Variants in RAPGEF4 observed in about 807,000 individuals in gnomAD.
RAPGEF4 encodes the protein Rap guanine nucleotide exchange factor 4.
RAPGEF4 carries 66 observed loss-of-function variants against 147.9 expected under a neutral mutation model. The observed-to-expected ratio is 0.45, with a 90% confidence interval of 0.37 to 0.55. The LOEUF is 0.55. RAPGEF4 is among the 20% of genes least tolerant of loss of function. The probability of loss-of-function intolerance (pLI) is 0.00; values close to 1 mark genes in which losing one functional copy is unlikely to be tolerated. For missense variants in RAPGEF4, 1,071 were observed against 1,257.3 expected (o/e 0.85, Z 2.24); for synonymous variants, 419 against 442.7 (o/e 0.95, Z 0.67).
chr2:172,894,303 A>C (rs1020080061), intron 4 of RAPGEF4: 2 of 152,254 alleles, frequency 1.3e-5, no homozygotes, highest in African/African-American at 2.4e-5. Context: ...TAACAGCTTC[A>C]TCATGGACGC....
chr2:172,983,472 C>CTTTTTTTTT, intron 10 of RAPGEF4, 24 bp from the exon 11 acceptor site: 1 of 1,497,534 alleles, frequency 6.7e-7, no homozygotes, highest in Non-Finnish European at 8.9e-7. Flanking sequence ...TTCCATATTC[C>CTTTTTTTTT]TTTTTTTTTT....
rs183905765 is a variant in RAPGEF4, at chr2:172,999,054, G to A, written c.1580-2212G>A. ...TTAATTACTGTTCCTTGCAGAGCAG[G>A]GCTAACCCATGGGCAGTGTGCCAAG... On this transcript the variant is annotated intron_variant, in intron 16 of 30. Transcript: ENST00000397081. Among the ~76,000 whole-genome samples, 5 of 152,126 alleles carry A rather than the reference G, an allele frequency of 3.3e-5. No homozygotes were observed. The East Asian group carries it at 9.6e-4, about 29-fold the overall frequency.
chr2:173,012,109 A>T (rs987496458), intron 17 of RAPGEF4, among the ~76,000 whole-genome samples: 3 of 152,188 alleles, frequency 2.0e-5, no homozygotes, highest in Admixed American at 2.0e-4. Flanking sequence ...CTGAGAGAGA[A>T]TTAAATTTGC....
chr2:173,048,517 G>A (rs1685780200), intron 29 of RAPGEF4, 83 bp from the exon 30 acceptor site: 2 of 1,582,400 alleles, frequency 1.3e-6, no homozygotes, highest in Non-Finnish European at 8.6e-7. Flanking sequence ...ACCAAGTATT[G>A]CAGAAATGGT....
intron 29 of RAPGEF4, among the ~76,000 whole-genome samples, chr2:173,043,921 CT>C (rs1685089523): frequency 6.6e-6 from 1 of 152,220 alleles, no homozygotes; most frequent in African/African-American, 2.4e-5. Context: ...ACTGGTCACT[CT>C]GATGCAGGCT....
At chr2:172,783,825 C>T (rs1684923907) in intron 1 of RAPGEF4, among the ~76,000 whole-genome samples, 1 of 151,492 alleles carries the variant, frequency 6.6e-6, no homozygotes, top group Admixed American at 6.6e-5. Flanking sequence ...AGGAAACTCA[C>T]AGGGAGAGGA....
At chr2:172,827,113 T>G (rs1478920715) in intron 4 of RAPGEF4, among the ~76,000 whole-genome samples, 7 of 152,210 alleles carry the variant, frequency 4.6e-5, no homozygotes, top group Non-Finnish European at 8.8e-5. Flanking sequence ...TAGCAAATTG[T>G]ACCTTATTAA....
At chr2:172,875,720 T>G (rs1210435973) in intron 4 of RAPGEF4, among the ~76,000 whole-genome samples, 1 of 152,224 alleles carries the variant, frequency 6.6e-6, no homozygotes, top group Non-Finnish European at 1.5e-5. Flanking sequence ...AGGATTGTCT[T>G]GGCAATGTGG....
chr2:172,922,227 T>C, intron 5 of RAPGEF4, 54 bp from the exon 6 acceptor site: 1 of 1,559,318 alleles, frequency 6.4e-7, no homozygotes, highest in Non-Finnish European at 8.8e-7. Context: ...AATTCCACTT[T>C]ACCGGTTGAT....
At chr2:172,983,662 G>GC in intron 11 of RAPGEF4, 82 bp downstream of exon 11, 1 of 1,534,136 alleles carries the variant, frequency 6.5e-7, no homozygotes. Context: ...TTACGGTGTT[G>GC]TGGGGGGAAA....
At chr2:172,918,437 G>A (rs555505967) in intron 5 of RAPGEF4, among the ~76,000 whole-genome samples, 1 of 149,890 alleles carries the variant, frequency 6.7e-6, no homozygotes, top group Admixed American at 6.7e-5. Context: ...GTGACAGATA[G>A]GTTAATTTGC....
At chr2:172,801,838 A>T (rs993038220) in intron 3 of RAPGEF4, among the ~76,000 whole-genome samples, 2 of 152,010 alleles carry the variant, frequency 1.3e-5, no homozygotes, top group African/African-American at 4.8e-5. Flanking sequence ...TCCAACTCCC[A>T]CCTGGGTGTC....
At chr2:172,802,796 A>G (rs2149570885) in intron 3 of RAPGEF4, among the ~76,000 whole-genome samples, 1 of 152,358 alleles carries the variant, frequency 6.6e-6, no homozygotes, top group African/African-American at 2.4e-5. Context: ...TTTCCTAGAT[A>G]CAATGGGGGT....
At chr2:172,958,051 A>T (rs1474638081) in intron 6 of RAPGEF4, among the ~76,000 whole-genome samples, 2 of 152,204 alleles carry the variant, frequency 1.3e-5, no homozygotes, top group Admixed American at 6.5e-5. Flanking sequence ...CATTGCACCT[A>T]CCAAAGAATA....
intron 1 of RAPGEF4, among the ~76,000 whole-genome samples, chr2:172,775,991 A>G (rs1452384439): frequency 1.3e-5 from 2 of 152,322 alleles, no homozygotes; most frequent in East Asian, 1.9e-4. Flanking sequence ...TCCTAAGTGT[A>G]TTTTGACTTA....
intron 6 of RAPGEF4, among the ~76,000 whole-genome samples, chr2:172,925,828 A>G (rs1448101626): frequency 6.7e-6 from 1 of 149,514 alleles, no homozygotes; most frequent in Non-Finnish European, 1.5e-5. Flanking sequence ...AAAGAAAGAA[A>G]GGAAAGAAGG....
At chr2:173,005,437 C>A (rs1200585247) in intron 17 of RAPGEF4, among the ~76,000 whole-genome samples, 1 of 151,134 alleles carries the variant, frequency 6.6e-6, no homozygotes, top group Non-Finnish European at 1.5e-5. Flanking sequence ...ACATTATTTA[C>A]TTTATCTTTC....
chr2:172,742,570 G>A (rs2149421373), intron 1 of RAPGEF4, among the ~76,000 whole-genome samples: 1 of 152,198 alleles, frequency 6.6e-6, no homozygotes, highest in East Asian at 1.9e-4. Flanking sequence ...CATAATGTTA[G>A]CAATATATTG....
chr2:172,803,453 G>A (rs898575072), intron 3 of RAPGEF4, among the ~76,000 whole-genome samples: 2 of 152,176 alleles, frequency 1.3e-5, no homozygotes, highest in African/African-American at 2.4e-5. Flanking sequence ...GAGTGGCTAG[G>A]ATGCAGGGCA....
Sources: gnomAD v4.1 joint callset for allele counts (sites outside exome capture counted in the v4.1 genomes callset) on GRCh38, gnomAD v4.1.1 for gene constraint, MANE v1.5 for transcripts, NCBI Gene and HGNC (gene_info 2026-07-23, HGNC 2026-07-21) for gene names.